Variants in CFDP1 observed in about 807,000 individuals in gnomAD.
The protein encoded by CFDP1 is chromatin remodeling protein CFDP1, also known as heterochromatin-stabilizing protein CFDP1.
In CFDP1, 31 loss-of-function variants were observed where a neutral mutation model predicts 40.1. The observed-to-expected ratio is 0.77, with a 90% CI of 0.58 to 1.04. The LOEUF is 1.04. CFDP1 is among the 50% of genes least tolerant of loss of function. CFDP1 has a pLI of 0.00. For missense variants in CFDP1, 423 were observed against 343.4 expected (o/e 1.23, Z -1.83); for synonymous variants, 167 against 120.0 (o/e 1.39, Z -2.56).
At chr16:75,350,539 C>A (rs924382809) in intron 5 of CFDP1, among the ~76,000 whole-genome samples, 2 of 152,144 alleles carry the variant, frequency 1.3e-5, no homozygotes, top group Admixed American at 1.3e-4. Flanking sequence ...TTATTACAGA[C>A]ATTTAATCAG....
intron 4 of CFDP1, among the ~76,000 whole-genome samples, chr16:75,407,221 A>C (rs921527996): frequency 2.0e-5 from 3 of 152,156 alleles, no homozygotes; most frequent in Non-Finnish European, 4.4e-5. Flanking sequence ...TCAAAAACAA[A>C]AAATAATCCT....
At position 75,299,494 on chromosome 16, in the gene CFDP1, C is replaced by T. The variant is rs527769022; in HGVS notation, c.810-5452G>A. 1.9e-4 allele frequency among the ~76,000 whole-genome samples: 29 copies of T among 151,418 alleles called. 1 individual carries two copies. The South Asian group carries it at 6.0e-3, about 32-fold the overall frequency. Reference sequence around the variant, plus strand: ...CCTGTAGTCCCAGCTACTCGGGAGGCTGAGGCAGGAGAATGGCGTGAACCC... The same window carrying T: ...CCTGTAGTCCCAGCTACTCGGGAGGTTGAGGCAGGAGAATGGCGTGAACCC... On this transcript the variant is annotated intron_variant, in intron 6 of 6. Transcript: ENST00000283882.
At chr16:75,338,508 T>A (rs1447808216) in intron 5 of CFDP1, among the ~76,000 whole-genome samples, 2 of 152,164 alleles carry the variant, frequency 1.3e-5, no homozygotes, top group Non-Finnish European at 2.9e-5. Context: ...TGGTGACAAC[T>A]GCAATGGATA....
At chr16:75,426,170 G>C (rs953833907) in intron 1 of CFDP1, among the ~76,000 whole-genome samples, 1 of 151,010 alleles carries the variant, frequency 6.6e-6, no homozygotes, top group Middle Eastern at 3.5e-3. Flanking sequence ...GACCAACATG[G>C]AGAAACCCTG....
chr16:75,317,955 T>TA (rs1238754317), intron 5 of CFDP1, among the ~76,000 whole-genome samples: 1 of 151,466 alleles, frequency 6.6e-6, no homozygotes, highest in South Asian at 2.1e-4. Flanking sequence ...CCATCTCTAC[T>TA]AAAAAAATAC....
At chr16:75,301,631 G>C (rs1264446876) in intron 6 of CFDP1, 1 of 142,890 alleles carries the variant, frequency 7.0e-6, no homozygotes, top group Non-Finnish European at 1.5e-5. Context: ...GACTATGGGT[G>C]CATGTCACTG....
At chr16:75,384,031 T>C (rs1255026674) in intron 5 of CFDP1, among the ~76,000 whole-genome samples, 1 of 152,090 alleles carries the variant, frequency 6.6e-6, no homozygotes, top group East Asian at 1.9e-4. Flanking sequence ...ATAATATTAG[T>C]TTAATAAAAA....
At chr16:75,410,230 C>T (rs1375168972) in intron 4 of CFDP1, among the ~76,000 whole-genome samples, 1 of 151,976 alleles carries the variant, frequency 6.6e-6, no homozygotes, top group African/African-American at 2.4e-5. Flanking sequence ...TAATTAATTA[C>T]TGCCAATGAA....
intron 5 of CFDP1, among the ~76,000 whole-genome samples, chr16:75,358,884 G>C (rs762019989): frequency 3.3e-5 from 5 of 152,082 alleles, no homozygotes; most frequent in African/African-American, 4.8e-5. Context: ...GACTTGTTGA[G>C]AATGTCTAAT....
intron 5 of CFDP1, among the ~76,000 whole-genome samples, chr16:75,393,751 A>C (rs2078972512): frequency 1.6e-5 from 1 of 63,814 alleles, no homozygotes; most frequent in Non-Finnish European, 3.6e-5. Flanking sequence ...AAAAAAAAAA[A>C]AAAAAAAAAA....
At position 75,354,734 on chromosome 16, in the gene CFDP1, G is replaced by T. The variant is rs188728527; in HGVS notation, c.650+40356C>A. ...AAAAGTTACTGCTTAAATGCAACAG[G>T]GTATCCGCAACTGGATCCTGGAATA... On this transcript the variant is annotated intron_variant, in intron 5 of 6. Transcript: ENST00000283882. Among the ~76,000 whole-genome samples, 13 of 152,236 alleles carry T rather than the reference G, an allele frequency of 8.5e-5. No individual in the cohort carries two copies. The East Asian group carries it at 2.5e-3, about 29-fold the overall frequency.
intron 5 of CFDP1, among the ~76,000 whole-genome samples, chr16:75,333,393 G>C (rs1411805520): frequency 6.6e-6 from 1 of 152,182 alleles, no homozygotes; most frequent in African/African-American, 2.4e-5. Flanking sequence ...AAAGTGCTGG[G>C]ATTACAGGCA....
At chr16:75,320,186 G>A (rs2078352218) in intron 5 of CFDP1, among the ~76,000 whole-genome samples, 1 of 152,090 alleles carries the variant, frequency 6.6e-6, no homozygotes, top group South Asian at 2.1e-4. Flanking sequence ...GTCCTCCAAG[G>A]TTCATCCCAT....
chr16:75,351,469 T>C (rs2078610404), intron 5 of CFDP1, among the ~76,000 whole-genome samples: 1 of 152,172 alleles, frequency 6.6e-6, no homozygotes, highest in South Asian at 2.1e-4. Flanking sequence ...GCAAAGACTA[T>C]TAAGGTCACT....
Position 75,396,001 on chromosome 16 carries a change from G to A in CFDP1, c.531-792C>T, listed in dbSNP as rs563201644. On this transcript the variant is annotated intron_variant, in intron 4 of 6. Transcript: ENST00000283882. The stretch of plus-strand genomic sequence containing the variant: ...AACACCTGAGGAATGTTGTTTAAAT[G>A]CAGTCCATCTCCCCTCCATGACTTC... Among the ~76,000 whole-genome samples the A allele has an allele frequency of 2.9e-5, 3 of 104,942 alleles. 1 individual carries two copies. The South Asian group carries it at 9.8e-4, about 34-fold the overall frequency. The allele number at this position is 104,942 out of a possible 152,430, so 68.8% of individuals were successfully genotyped here. A position where few individuals can be genotyped will look rare whatever the true frequency, so the allele number is the denominator to read the frequency against.
At chr16:75,330,423 C>T (rs569031388) in intron 5 of CFDP1, among the ~76,000 whole-genome samples, 2 of 152,156 alleles carry the variant, frequency 1.3e-5, no homozygotes, top group East Asian at 1.9e-4. Context: ...CCCATCTCTA[C>T]TAAAAATACA....
intron 5 of CFDP1, among the ~76,000 whole-genome samples, chr16:75,375,395 T>C (rs1014190983): frequency 1.3e-5 from 2 of 152,170 alleles, no homozygotes; most frequent in Admixed American, 1.3e-4. Flanking sequence ...TGGGTAAGAT[T>C]GGAAGAGTCA....
At chr16:75,413,295 G>A (rs919901924) in intron 2 of CFDP1, among the ~76,000 whole-genome samples, 30 of 152,258 alleles carry the variant, frequency 2.0e-4, no homozygotes, top group African/African-American at 7.0e-4. Flanking sequence ...CAGGCCAGGC[G>A]CAGTGGCTCA....
At chr16:75,361,691 T>TA (rs1181954837) in intron 5 of CFDP1, among the ~76,000 whole-genome samples, 1 of 151,920 alleles carries the variant, frequency 6.6e-6, no homozygotes, top group African/African-American at 2.4e-5. Context: ...CTCAAAGAAT[T>TA]AAAAAAAGTT....
Sources: allele counts gnomAD v4.1 joint callset (sites outside exome capture counted in the v4.1 genomes callset), GRCh38; gene constraint gnomAD v4.1.1; transcripts MANE v1.5; gene names NCBI Gene and HGNC (gene_info 2026-07-23, HGNC 2026-07-21).